Variants in RNF216 observed in about 807,000 individuals in gnomAD.
The protein encoded by RNF216 is E3 ubiquitin-protein ligase RNF216.
RNF216 carries 72 observed loss-of-function variants against 110.8 expected under a neutral mutation model. The ratio of observed to expected loss-of-function variants is 0.65; its 90% CI spans 0.54 to 0.79. The LOEUF (loss-of-function observed/expected upper bound fraction) is 0.79, where lower values mean the gene tolerates loss of function less well. Ranked by LOEUF, RNF216 falls within the 30% of genes least tolerant of loss-of-function variation. The probability of loss-of-function intolerance (pLI) is 0.00; values close to 1 mark genes in which losing one functional copy is unlikely to be tolerated. For synonymous variants in RNF216, 495 were observed against 407.5 expected, an observed-to-expected ratio of 1.21 and a Z score of -2.59; for missense variants, 1,342 against 1,141.2, an observed-to-expected ratio of 1.18 and a Z score of -2.54.
At chr7:5,708,792 T>C (rs1183766354) in intron 13 of RNF216, among the ~76,000 whole-genome samples, 2 of 152,184 alleles carry the variant, frequency 1.3e-5, no homozygotes, top group Non-Finnish European at 2.9e-5. Flanking sequence ...GGTTGGGTTC[T>C]GCCAGCAGTG....
chr7:5,686,219 G>A (rs1444239883), intron 13 of RNF216, among the ~76,000 whole-genome samples: 1 of 118,702 alleles, frequency 8.4e-6, no homozygotes, highest in Admixed American at 9.4e-5. Context: ...GTATGACTCT[G>A]TTATTAAAAA....
chr7:5,749,963 GTTA>G (rs1215269486), intron 3 of RNF216, among the ~76,000 whole-genome samples: 1 of 151,946 alleles, frequency 6.6e-6, no homozygotes, highest in Non-Finnish European at 1.5e-5. Flanking sequence ...TTCTTTTAAG[GTTA>G]TTATAGCTTA....
At chr7:5,768,198 C>G (rs1796303757) in intron 1 of RNF216, among the ~76,000 whole-genome samples, 1 of 151,368 alleles carries the variant, frequency 6.6e-6, no homozygotes, top group African/African-American at 2.4e-5. Context: ...TGCCTGTAAT[C>G]CTAGCACTTT....
intron 1 of RNF216, chr7:5,779,869 G>C (rs1796986090): frequency 6.8e-6 from 1 of 147,774 alleles, no homozygotes; most frequent in Admixed American, 6.8e-5. Context: ...GCTGGGGTGG[G>C]TGGGGCAGAG....
chr7:5,633,038 G>T (rs561390820), intron 15 of RNF216, among the ~76,000 whole-genome samples: 2 of 151,892 alleles, frequency 1.3e-5, no homozygotes, highest in African/African-American at 2.4e-5. Context: ...GGAGTGCAGT[G>T]GTGCGATCTC....
At chr7:5,709,571 A>T (rs1792529511) in intron 13 of RNF216, among the ~76,000 whole-genome samples, 1 of 152,168 alleles carries the variant, frequency 6.6e-6, no homozygotes, top group South Asian at 2.1e-4. Context: ...CACTGACCAC[A>T]AGAAGCTACA....
At chr7:5,720,343 G>A (rs1333580476) in intron 9 of RNF216, among the ~76,000 whole-genome samples, 3 of 152,118 alleles carry the variant, frequency 2.0e-5, no homozygotes, top group African/African-American at 7.2e-5. Context: ...TCCATTTAAT[G>A]AATATGAAAT....
intron 2 of RNF216, among the ~76,000 whole-genome samples, chr7:5,755,566 G>C (rs1000582210): frequency 6.6e-6 from 1 of 152,162 alleles, no homozygotes; most frequent in African/African-American, 2.4e-5. Flanking sequence ...GATAAGTTTT[G>C]CATGTTTTTG....
At chr7:5,699,614 A>G (rs1287597325) in intron 13 of RNF216, among the ~76,000 whole-genome samples, 1 of 152,234 alleles carries the variant, frequency 6.6e-6, no homozygotes, top group Non-Finnish European at 1.5e-5. Flanking sequence ...TACCAAGGAT[A>G]TTCACAGTCC....
chr7:5,767,892 C>A (rs917930519), intron 1 of RNF216, among the ~76,000 whole-genome samples: 10 of 152,150 alleles, frequency 6.6e-5, no homozygotes, highest in African/African-American at 2.4e-4. Context: ...AGCCACAACT[C>A]CCAGCCTGTT....
chr7:5,747,020 A>G (rs1447851328), intron 3 of RNF216, among the ~76,000 whole-genome samples: 2 of 152,198 alleles, frequency 1.3e-5, no homozygotes, highest in African/African-American at 4.8e-5. Flanking sequence ...CTCCCACACC[A>G]AAGACAGATA....
intron 13 of RNF216, among the ~76,000 whole-genome samples, chr7:5,673,770 G>A (rs1017092349): frequency 2.6e-5 from 4 of 152,106 alleles, no homozygotes; most frequent in African/African-American, 9.7e-5. Context: ...CCAGCATTTT[G>A]GGAGGCTGAG....
At position 5,736,978 on chromosome 7, in the gene RNF216, A is replaced by G. The variant is rs1794456468; in HGVS notation, c.1121+2298T>C. 2.6e-5 allele frequency among the ~76,000 whole-genome samples: 4 copies of G among 151,558 alleles called. No homozygotes were observed. In the South Asian group the frequency reaches 8.3e-4, roughly 32 times the overall value. On this transcript the variant is annotated intron_variant, in intron 5 of 16. Transcript: ENST00000389902. ...CCTCTGCCCGGCTGCCCCTTCTGGG[A>G]AGTGAGGAGCCCCTCTGCCCGGCCG...
At chr7:5,709,745 CT>C (rs61316901) in intron 13 of RNF216, among the ~76,000 whole-genome samples, 124,539 of 152,088 alleles carry the variant, frequency 0.82, 52,933 homozygotes, top group Middle Eastern at 0.92. Flanking sequence ...TGCCCTCAGG[CT>C]TTTATTTTTT....
chr7:5,755,038 A>G (rs956267146), intron 2 of RNF216, among the ~76,000 whole-genome samples: 7 of 151,394 alleles, frequency 4.6e-5, no homozygotes, highest in Non-Finnish European at 8.9e-5. Context: ...AGGCTAAAAA[A>G]AAAAAAGGAA....
chr7:5,736,577 G>A lies in RNF216; in HGVS notation c.1121+2699C>T, dbSNP rs559828462. On this transcript the variant is annotated intron_variant, in intron 5 of 16. Coordinates refer to ENST00000389902, the MANE Select transcript of RNF216 (RefSeq NM_207111.4). Reference sequence around the variant, plus strand: ...AAGTGAGGAGCGTCTCTGCCTGGCCGCCCATCGTCTGGGATATGAGGAGCC... The same window carrying A: ...AAGTGAGGAGCGTCTCTGCCTGGCCACCCATCGTCTGGGATATGAGGAGCC... Among the ~76,000 whole-genome samples the A allele has an allele frequency of 1.8e-3, 272 of 151,852 alleles. 1 individual carries two copies. Among genetic ancestry groups the A allele is most frequent in the Non-Finnish European group, 2.7e-3 (181 of 67,900 alleles).
chr7:5,714,152 G>C (rs996368261), intron 11 of RNF216, among the ~76,000 whole-genome samples: 4 of 152,158 alleles, frequency 2.6e-5, no homozygotes, highest in Admixed American at 1.3e-4. Flanking sequence ...TAGCAGAGAT[G>C]GGGTTTCACC....
chr7:5,654,148 T>C (rs550834392), intron 13 of RNF216, among the ~76,000 whole-genome samples: 3 of 152,096 alleles, frequency 2.0e-5, no homozygotes, highest in Non-Finnish European at 4.4e-5. Context: ...AGAGAGGCCA[T>C]GAAGGCCCAG....
chr7:5,650,275 T>A (rs1162634492), intron 14 of RNF216, among the ~76,000 whole-genome samples: 2 of 152,228 alleles, frequency 1.3e-5, no homozygotes, highest in Non-Finnish European at 2.9e-5. Context: ...CTTATCCACT[T>A]ACTGCTGATC....
Sources: gnomAD v4.1 joint callset for allele counts (sites outside exome capture counted in the v4.1 genomes callset) on GRCh38, gnomAD v4.1.1 for gene constraint, MANE v1.5 for transcripts, NCBI Gene and HGNC (gene_info 2026-07-23, HGNC 2026-07-21) for gene names.